CENPF: variants seen among roughly 807,000 people sequenced by gnomAD.
The protein encoded by CENPF is AH antigen.
CENPF carries 214 observed loss-of-function variants against 307.3 expected under a neutral mutation model. The ratio of observed to expected loss-of-function variants is 0.70; its 90% CI spans 0.62 to 0.78. The LOEUF (loss-of-function observed/expected upper bound fraction) is 0.78, where lower values mean the gene tolerates loss of function less well. Ranked by LOEUF, CENPF falls within the 30% of genes least tolerant of loss-of-function variation. CENPF has a pLI of 0.00. For missense variants in CENPF, 3,401 were observed against 3,483.9 expected (o/e 0.98, Z 0.60); for synonymous variants, 1,259 against 1,270.6 (o/e 0.99, Z 0.19).
intron 6 of CENPF, among the ~76,000 whole-genome samples, chr1:214,621,241 A>G (rs533059664): frequency 6.6e-6 from 1 of 152,292 alleles, no homozygotes; most frequent in South Asian, 2.1e-4. Flanking sequence ...GTTACAGTTT[A>G]CACTCCCCAT....
chr1:214,627,835 A>G (rs551123888), intron 7 of CENPF, among the ~76,000 whole-genome samples: 7 of 152,330 alleles, frequency 4.6e-5, no homozygotes, highest in Non-Finnish European at 8.8e-5. Context: ...AAATTATGCT[A>G]TGTTTATGCT....
Position 214,651,058 on chromosome 1 carries a change from A to T in CENPF, c.7984-652A>T, listed in dbSNP as rs550373182. Reference sequence around the variant, plus strand: ...TTGCAGCATGGAGGTTGCTGATGCCATGAAAAGCTTTTTTAGGAAGAGCTG... The same window carrying T: ...TTGCAGCATGGAGGTTGCTGATGCCTTGAAAAGCTTTTTTAGGAAGAGCTG... On this transcript the variant is annotated intron_variant, in intron 14 of 19. Coordinates refer to ENST00000366955, the MANE Select transcript of CENPF (RefSeq NM_016343.4). Among the ~76,000 whole-genome samples, 6 of 152,336 alleles carry T rather than the reference A, an allele frequency of 3.9e-5. No homozygotes were observed. In the South Asian group the frequency reaches 1.0e-3, roughly 26 times the overall value.
chr1:214,614,899 A>G lies in CENPF; in HGVS notation c.230A>G (p.Glu77Gly), dbSNP rs755790710. The change falls in exon 3 of 20, where the codon GAA (glutamate) becomes GGA (glycine). Residue 77 changes from glutamate to glycine, a missense_variant. Coordinates refer to ENST00000366955, the MANE Select transcript of CENPF (RefSeq NM_016343.4). ...RENQRLMEIC[E>G]SLEKTKQKIS... is the part of the protein sequence containing the mutation. Reference sequence around the variant, plus strand: ...AATCAAAGATTGATGGAAATATGTGAAAGTCTGGAGAAAACTAAGCAGAAG... The same window carrying G: ...AATCAAAGATTGATGGAAATATGTGGAAGTCTGGAGAAAACTAAGCAGAAG... 11 of 1,610,070 alleles carry G rather than the reference A, an allele frequency of 6.8e-6. No homozygotes were observed. The African/African-American group carries it at 1.2e-4, about 18-fold the overall frequency.
In CENPF at chr1:214,645,353, T is replaced by G. The variant is rs748098033; in HGVS notation, c.5783T>G (p.Val1928Gly). The change falls in exon 13 of 20, where the codon GTT becomes GGT. Residue 1928 changes from valine to glycine, a missense_variant. Transcript: ENST00000366955. The part of the protein sequence containing the change: ...ALYLEADLEV[V>G]QTEKLCLEKD... ...TACCTGGAGGCTGACTTAGAGGTAG[T>G]TCAAACAGAGAAGCTATGTTTAGAA... 6.2e-7 allele frequency: 1 copy of G among 1,614,072 alleles called. No individual in the cohort carries two copies. The highest frequency in any genetic ancestry group is 8.5e-7 in the Non-Finnish European group (1 of 1,180,012).
intron 19 of CENPF, among the ~76,000 whole-genome samples, chr1:214,661,882 T>C (rs1658796012): frequency 6.6e-6 from 1 of 152,150 alleles, no homozygotes; most frequent in African/African-American, 2.4e-5. Flanking sequence ...CACTTTTTTT[T>C]TTTCCCTCCC....
Position 214,620,938 on chromosome 1 carries a change from A to C in CENPF, c.857A>C (p.Gln286Pro). The C allele has an allele frequency of 6.2e-7, 1 of 1,605,364 alleles. No individual in the cohort carries two copies. The highest frequency in any genetic ancestry group is 8.5e-7 in the Non-Finnish European group (1 of 1,176,016). ...SPHLLDQLKA[Q>P]NQELRNKINE... ...CATCTTTTGGATCAATTAAAAGCGC[A>C]GAATCAAGGTAACATTGAGCTAAGT... The change falls in exon 6 of 20, where the codon CAG becomes CCG. Residue 286 changes from glutamine (Q) to proline (P), a missense_variant. Physicochemically the swap from Gln to Pro is moderately conservative, Grantham distance 76 (BLOSUM62 -1). Coordinates refer to ENST00000366955, the MANE Select transcript of CENPF (RefSeq NM_016343.4).
At chr1:214,657,439 G>A in intron 18 of CENPF, 30 bp downstream of exon 18, 2 of 1,497,428 alleles carry the variant, frequency 1.3e-6, no homozygotes, top group Non-Finnish European at 1.8e-6. Context: ...AAAATTATTT[G>A]TGTTCTTTTG....
At position 214,642,864 on chromosome 1, in the gene CENPF, T is replaced by G. The variant is rs778272434; in HGVS notation, c.4526T>G (p.Leu1509Trp). ...GAACAGACAGGAGATATGTCTCTTT[T>G]GAGTAATTTAGAAGGGGCTGTTTCA... ...LLEQTGDMSL[L>W]SNLEGAVSAN... The change falls in exon 12 of 20, where the codon TTG becomes TGG. Residue 1509 changes from leucine (L) to tryptophan (W), a missense_variant. Leu to Trp is a moderately conservative substitution (Grantham distance 61). Transcript: ENST00000366955. 6.2e-7 allele frequency: 1 copy of G among 1,614,050 alleles called. No individual in the cohort carries two copies. Among genetic ancestry groups the G allele is most frequent in the Non-Finnish European group, 8.5e-7 (1 of 1,179,994 alleles).
At chr1:214,624,847 TTTAG>T (rs1657609761) in intron 7 of CENPF, among the ~76,000 whole-genome samples, 1 of 152,206 alleles carries the variant, frequency 6.6e-6, no homozygotes, top group African/African-American at 2.4e-5. Context: ...TGATTTTCTG[TTTAG>T]TTGTTCAATT....
At position 214,640,064 on chromosome 1, in the gene CENPF, A is replaced by T; in HGVS notation, c.1726A>T (p.Lys576Ter). 1 of 1,601,966 alleles carries T rather than the reference A, an allele frequency of 6.2e-7. No homozygotes were observed. Among genetic ancestry groups the T allele is most frequent in the Non-Finnish European group, 8.5e-7 (1 of 1,177,288 alleles). Residue 576 changes from lysine to a stop codon, truncating the protein, a stop_gained, in exon 12 of 20, where the codon AAA (lysine) becomes TAA (stop). Transcript: ENST00000366955. LOFTEE classifies it high-confidence loss of function. ...AGATTGTTCTCAAGACCTTTTGAAG[A>T]AAAGAGAACATCACATTGAACAACT... is the stretch of plus-strand genomic sequence containing the variant. The part of the protein sequence containing the change: ...QRDCSQDLLK[K>*]REHHIEQLND...
At chr1:214,634,011 A>G (rs1657881639) in intron 10 of CENPF, among the ~76,000 whole-genome samples, 1 of 152,102 alleles carries the variant, frequency 6.6e-6, no homozygotes, top group South Asian at 2.1e-4. Flanking sequence ...CACTTTAAAA[A>G]CTGCTTGCTT....
intron 10 of CENPF, among the ~76,000 whole-genome samples, chr1:214,633,255 G>A (rs971049582): frequency 6.6e-6 from 1 of 152,158 alleles, no homozygotes; most frequent in South Asian, 2.1e-4. Context: ...GTTCCTGAAT[G>A]GCATGGATGC....
intron 16 of CENPF, among the ~76,000 whole-genome samples, chr1:214,654,915 A>T (rs542141508): frequency 1.3e-4 from 20 of 152,210 alleles, no homozygotes. Context: ...ACTCACCAAG[A>T]ATATGTTCGT....
At chr1:214,630,950 C>T (rs1170784010) in intron 9 of CENPF, among the ~76,000 whole-genome samples, 1 of 152,134 alleles carries the variant, frequency 6.6e-6, no homozygotes, top group East Asian at 1.9e-4. Context: ...GTAATTTATG[C>T]CCCCAAGTAG....
rs1481165294 is a variant in CENPF, at chr1:214,622,209, AG to A, written c.997del (p.Glu333ArgfsTer4). ...AAGCAAAAGTGGAATTAATTGAAAA[AG>A]AGAAAGTTTTGAACAAATGTAGGGA... ...EKAKVELIEK[E>X]KVLNKCRDEL... is the part of the protein sequence containing the mutation. On this transcript the variant is annotated frameshift_variant, in exon 7 of 20. Coordinates refer to ENST00000366955, the MANE Select transcript of CENPF (RefSeq NM_016343.4). LOFTEE classifies it high-confidence loss of function. The A allele has an allele frequency of 6.2e-7, 1 of 1,614,010 alleles. No individual in the cohort carries two copies. Among genetic ancestry groups the A allele is most frequent in the East Asian group, 2.2e-5 (1 of 44,882 alleles).
At chr1:214,609,459 C>T (rs1385562358) in intron 1 of CENPF, among the ~76,000 whole-genome samples, 2 of 152,092 alleles carry the variant, frequency 1.3e-5, no homozygotes, top group African/African-American at 2.4e-5. Context: ...GGAAGAGGGA[C>T]AAAGTGTGAG....
chr1:214,642,468 A>T lies in CENPF; in HGVS notation c.4130A>T (p.His1377Leu). The T allele has an allele frequency of 6.2e-7, 1 of 1,604,340 alleles. No homozygotes were observed. Among genetic ancestry groups the T allele is most frequent in the East Asian group, 2.2e-5 (1 of 44,810 alleles). ...GEFGEQPNEQ[H>L]PVSLAPLDES... Reference sequence around the variant, plus strand: ...TTTGGTGAACAACCAAATGAACAGCACCCTGTGTCTTTGGCTCCATTGGAC... The same window carrying T: ...TTTGGTGAACAACCAAATGAACAGCTCCCTGTGTCTTTGGCTCCATTGGAC... The change falls in exon 12 of 20, where the codon CAC becomes CTC. Residue 1377 changes from histidine to leucine, a missense_variant. Physicochemically the swap from His to Leu is moderately conservative, Grantham distance 99. Coordinates refer to ENST00000366955, the MANE Select transcript of CENPF (RefSeq NM_016343.4).
intron 10 of CENPF, among the ~76,000 whole-genome samples, chr1:214,635,879 C>G (rs1036520017): frequency 6.6e-6 from 1 of 152,186 alleles, no homozygotes; most frequent in South Asian, 2.1e-4. Context: ...GGTGCCCTCT[C>G]TCTCTTCTTT....
chr1:214,651,753 A>C lies in CENPF; in HGVS notation c.8027A>C (p.Lys2676Thr). 1 of 1,606,726 alleles carries C rather than the reference A, an allele frequency of 6.2e-7. No individual in the cohort carries two copies. The highest frequency in any genetic ancestry group is 2.2e-5 in the East Asian group (1 of 44,790). Residue 2676 changes from lysine (K) to threonine (T), a missense_variant, in exon 15 of 20, where the codon AAG becomes ACG. Lys to Thr is a moderately conservative substitution (Grantham distance 78). Coordinates refer to ENST00000366955, the MANE Select transcript of CENPF (RefSeq NM_016343.4). ...ELTLENSELK[K>T]SLDCMHKDQV... ...ACACTAGAAAATAGTGAATTGAAGA[A>C]GAGCCTAGATTGCATGCACAAAGAC...
Sources: allele counts gnomAD v4.1 joint callset (sites outside exome capture counted in the v4.1 genomes callset), GRCh38; gene constraint gnomAD v4.1.1; transcripts MANE v1.5; gene names NCBI Gene and HGNC (gene_info 2026-07-23, HGNC 2026-07-21).